Variants in KIAA0825 observed in about 807,000 individuals in gnomAD.
KIAA0825 encodes KIAA0825.
KIAA0825 carries 119 observed loss-of-function variants against 147.6 expected under a neutral mutation model. The observed-to-expected ratio is 0.81, with a 90% CI of 0.69 to 0.94. KIAA0825 has a LOEUF of 0.94. Ranked by LOEUF, KIAA0825 falls within the 40% of genes least tolerant of loss-of-function variation. The pLI is 0.00. For missense variants in KIAA0825, 1,381 were observed against 1,472.7 expected (o/e 0.94, Z 1.02); for synonymous variants, 470 against 518.1 (o/e 0.91, Z 1.26).
At chr5:94,266,736 G>T (rs1411869924) in intron 20 of KIAA0825, among the ~76,000 whole-genome samples, 1 of 151,152 alleles carries the variant, frequency 6.6e-6, no homozygotes, top group Non-Finnish European at 1.5e-5. Context: ...GGGAAATACA[G>T]TTTTTTTTTA....
intron 3 of KIAA0825, among the ~76,000 whole-genome samples, chr5:94,525,763 C>G (rs1296364196): frequency 6.6e-6 from 1 of 151,916 alleles, no homozygotes; most frequent in African/African-American, 2.4e-5. Flanking sequence ...AATGAGGACT[C>G]AGATTTTAGG....
intron 20 of KIAA0825, among the ~76,000 whole-genome samples, chr5:94,280,502 A>G (rs1304703971): frequency 1.3e-5 from 2 of 152,032 alleles, no homozygotes; most frequent in African/African-American, 2.4e-5. Context: ...AGAAAACCCA[A>G]CCAGAACCAT....
At chr5:94,286,249 TG>T (rs1311585553) in intron 20 of KIAA0825, among the ~76,000 whole-genome samples, 1 of 152,202 alleles carries the variant, frequency 6.6e-6, no homozygotes, top group African/African-American at 2.4e-5. Context: ...ACAAGGTCCA[TG>T]AACAGTATGT....
intron 1 of KIAA0825, among the ~76,000 whole-genome samples, chr5:94,584,410 C>T (rs895159698): frequency 3.7e-4 from 56 of 151,896 alleles, no homozygotes; most frequent in African/African-American, 1.3e-3. Context: ...CTTCAATAGC[C>T]GATTTGATTA....
In KIAA0825 at chr5:94,393,975, C is replaced by T. The variant is rs554763726; in HGVS notation, c.3296+2126G>A. Among the ~76,000 whole-genome samples, 13 of 151,958 alleles carry T rather than the reference C, an allele frequency of 8.6e-5. No homozygotes were observed. In the South Asian group the frequency reaches 2.3e-3, roughly 27 times the overall value. On this transcript the variant is annotated intron_variant, in intron 17 of 20. Transcript: ENST00000682413. ...GCGATTCTCCTGTCTCAGCCTCCCT[C>T]AGCTGGGATTACAGGTGCCTACCAC...
chr5:94,558,117 T>C (rs1434038328), intron 2 of KIAA0825, among the ~76,000 whole-genome samples: 1 of 152,174 alleles, frequency 6.6e-6, no homozygotes, highest in East Asian at 1.9e-4. Context: ...CCACAGCTTC[T>C]AATAGAGCTA....
intron 2 of KIAA0825, among the ~76,000 whole-genome samples, chr5:94,542,048 T>C (rs191187430): frequency 6.6e-6 from 1 of 152,352 alleles, no homozygotes; most frequent in Non-Finnish European, 1.5e-5. Context: ...TGTCCTAAGA[T>C]GTTTTGTCAT....
intron 1 of KIAA0825, among the ~76,000 whole-genome samples, chr5:94,599,332 T>G (rs306569): frequency 3.3e-5 from 2 of 59,898 alleles, no homozygotes; most frequent in East Asian, 4.6e-4. Flanking sequence ...ATTATTTGGG[T>G]TTTTTTTTTT....
At chr5:94,442,129 A>G (rs1175932487) in intron 13 of KIAA0825, among the ~76,000 whole-genome samples, 1 of 152,186 alleles carries the variant, frequency 6.6e-6, no homozygotes, top group African/African-American at 2.4e-5. Context: ...AAAAAAAATG[A>G]TGAGGATGCT....
intron 2 of KIAA0825, among the ~76,000 whole-genome samples, chr5:94,541,830 T>C (rs1448254848): frequency 6.6e-6 from 1 of 152,248 alleles, no homozygotes; most frequent in Non-Finnish European, 1.5e-5. Flanking sequence ...TATAAAGTCA[T>C]ACAGGAAGCA....
intron 20 of KIAA0825, among the ~76,000 whole-genome samples, chr5:94,287,626 G>A (rs2150161639): frequency 6.6e-6 from 1 of 152,234 alleles, no homozygotes; most frequent in East Asian, 1.9e-4. Flanking sequence ...AATATAGGCT[G>A]TTTCCTCTCA....
chr5:94,584,333 A>G (rs1782833821), intron 1 of KIAA0825, among the ~76,000 whole-genome samples: 1 of 152,228 alleles, frequency 6.6e-6, no homozygotes, highest in Admixed American at 6.5e-5. Flanking sequence ...ACCAGTGTAG[A>G]GAAGAGCTTA....
chr5:94,352,253 G>T (rs1488650140), intron 20 of KIAA0825, among the ~76,000 whole-genome samples: 1 of 152,118 alleles, frequency 6.6e-6, no homozygotes, highest in Non-Finnish European at 1.5e-5. Flanking sequence ...CAAAAAGCGG[G>T]CTAAGGACAT....
intron 6 of KIAA0825, among the ~76,000 whole-genome samples, chr5:94,483,164 G>A (rs547860823): frequency 1.3e-5 from 2 of 151,918 alleles, no homozygotes; most frequent in Non-Finnish European, 2.9e-5. Flanking sequence ...GGCCATTTCA[G>A]TGTAACATCT....
chr5:94,350,261 C>T (rs146327023), intron 20 of KIAA0825, among the ~76,000 whole-genome samples: 8 of 152,176 alleles, frequency 5.3e-5, no homozygotes, highest in East Asian at 1.9e-4. Flanking sequence ...AGACCGATAA[C>T]GAGCAGCGAG....
At chr5:94,495,130 T>C (rs1423377673) in intron 5 of KIAA0825, among the ~76,000 whole-genome samples, 2 of 152,140 alleles carry the variant, frequency 1.3e-5, no homozygotes, top group African/African-American at 4.8e-5. Flanking sequence ...TATGTTAAAA[T>C]GAATATGAAA....
At chr5:94,156,424 T>C (rs1221514095) in intron 20 of KIAA0825, among the ~76,000 whole-genome samples, 1 of 152,244 alleles carries the variant, frequency 6.6e-6, no homozygotes, top group Non-Finnish European at 1.5e-5. Context: ...CTTTTTTCCT[T>C]CCCATGTAAA....
At chr5:94,300,048 A>G (rs923566905) in intron 20 of KIAA0825, among the ~76,000 whole-genome samples, 1 of 152,138 alleles carries the variant, frequency 6.6e-6, no homozygotes, top group African/African-American at 2.4e-5. Context: ...ATATTATTAA[A>G]AATTTAAATG....
intron 2 of KIAA0825, among the ~76,000 whole-genome samples, chr5:94,563,618 A>C (rs1162868332): frequency 6.6e-6 from 1 of 152,236 alleles, no homozygotes; most frequent in African/African-American, 2.4e-5. Context: ...TTTGAAGTTT[A>C]ATTTATTAAA....
Sources: allele counts gnomAD v4.1 joint callset (sites outside exome capture counted in the v4.1 genomes callset), GRCh38; gene constraint gnomAD v4.1.1; transcripts MANE v1.5; gene names NCBI Gene and HGNC (gene_info 2026-07-23, HGNC 2026-07-21).